CHAT: variants seen among roughly 807,000 people sequenced by gnomAD.
CHAT encodes the protein choline O-acetyltransferase, also known as acetyl CoA:choline O-acetyltransferase.
CHAT carries 61 observed loss-of-function variants against 76.9 expected under a neutral mutation model. That is an observed-to-expected ratio of 0.79 (90% CI 0.65 to 0.98). CHAT has a LOEUF of 0.98. Ranked by LOEUF, CHAT falls within the 50% of genes least tolerant of loss-of-function variation. CHAT has a pLI of 0.00. For synonymous variants in CHAT, 407 were observed against 397.4 expected, an observed-to-expected ratio of 1.02 and a Z score of -0.29; for missense variants, 946 against 986.9, an observed-to-expected ratio of 0.96 and a Z score of 0.56.
In CHAT at chr10:49,666,144, C is replaced by G. The variant is rs914142079; in HGVS notation, c.*1098C>G. On this transcript the variant is annotated 3_prime_UTR_variant, in exon 15 of 15. Coordinates refer to ENST00000337653, the MANE Select transcript of CHAT (RefSeq NM_020549.5). ...AAAACCCATGTGGTAGAGCCTAGAG[C>G]AGGGCTCTCTTCTGGCCTCAGGGAC... is the stretch of plus-strand genomic sequence containing the variant. 4.6e-5 allele frequency among the ~76,000 whole-genome samples: 7 copies of G among 152,276 alleles called. No individual in the cohort carries two copies. Among genetic ancestry groups the G allele is most frequent in the African/African-American group, 1.7e-4 (7 of 41,560 alleles).
Position 49,666,793 on chromosome 10 carries a change from G to A in CHAT, c.*1747G>A, listed in dbSNP as rs568584093. Reference sequence around the variant, plus strand: ...GAGATTTATGCTCCTTCCCTCCCACGGCCACCTTCCTACTCTGCTTAGGAA... The same window carrying A: ...GAGATTTATGCTCCTTCCCTCCCACAGCCACCTTCCTACTCTGCTTAGGAA... On this transcript the variant is annotated 3_prime_UTR_variant, in exon 15 of 15. Coordinates refer to ENST00000337653, the MANE Select transcript of CHAT (RefSeq NM_020549.5). Among the ~76,000 whole-genome samples the A allele has an allele frequency of 5.3e-5, 8 of 152,200 alleles. No homozygotes were observed. The highest frequency in any genetic ancestry group is 1.9e-4 in the East Asian group (1 of 5,186).
In CHAT at chr10:49,619,832, T is replaced by C; in HGVS notation, c.495T>C (p.Ile165=). The change falls in exon 3 of 15, where the codon ATT becomes ATC. Residue 165 remains isoleucine, a synonymous_variant. Transcript: ENST00000337653. ...SEEQFRKSQA[I]VQQFGAPGGL... is the part of the protein sequence containing the mutation. ...AGCAGTTCAGGAAGAGCCAGGCCATTGTGCAGCAGTTTGGGGCCCCTGGTG... is the reference window on the plus strand; with the variant it reads ...AGCAGTTCAGGAAGAGCCAGGCCATCGTGCAGCAGTTTGGGGCCCCTGGTG... 6 of 1,613,834 alleles carry C rather than the reference T, an allele frequency of 3.7e-6. No individual in the cohort carries two copies. Among genetic ancestry groups the C allele is most frequent in the Non-Finnish European group, 5.1e-6 (6 of 1,179,932 alleles).
intron 10 of CHAT, among the ~76,000 whole-genome samples, chr10:49,650,805 A>T (rs1839852160): frequency 6.6e-6 from 1 of 152,034 alleles, no homozygotes; most frequent in Non-Finnish European, 1.5e-5. Flanking sequence ...GCTGCTGGAG[A>T]GGTTGCCTGG....
At chr10:49,612,378 G>A (rs2269338), upstream of CHAT, 1 of 1,545,296 alleles carries the variant, frequency 6.5e-7, no homozygotes, top group South Asian at 1.3e-5. Flanking sequence ...ACCGCCTTGG[G>A]TCAAGGGGGC....
chr10:49,661,264 G>A (rs996310242), intron 13 of CHAT: 7 of 152,182 alleles, frequency 4.6e-5, no homozygotes, highest in African/African-American at 1.2e-4. Context: ...TTATTCCAAG[G>A]TGGTGAAAAG....
chr10:49,653,688 T>C (rs1839949014), intron 11 of CHAT, among the ~76,000 whole-genome samples: 1 of 152,186 alleles, frequency 6.6e-6, no homozygotes, highest in Non-Finnish European at 1.5e-5. Context: ...ACCTCACCAG[T>C]ACTGAGATGC....
upstream of CHAT, among the ~76,000 whole-genome samples, chr10:49,609,772 G>A (rs948260106): frequency 6.6e-6 from 1 of 152,166 alleles, no homozygotes; most frequent in Non-Finnish European, 1.5e-5. Flanking sequence ...GTCGGAGAAA[G>A]GGTTGGGGGT....
In CHAT at chr10:49,666,877, G is replaced by A. The variant is rs1214191865; in HGVS notation, c.*1831G>A. ...AAGGCAGCCCACCTGCTGTAAGTTG[G>A]CCCAAAGCTACTTGTCTGTTCTCTC... On this transcript the variant is annotated 3_prime_UTR_variant, in exon 15 of 15. Transcript: ENST00000337653. 1.3e-5 allele frequency among the ~76,000 whole-genome samples: 2 copies of A among 152,156 alleles called. No homozygotes were observed. The highest frequency in any genetic ancestry group is 1.5e-5 in the Non-Finnish European group (1 of 68,028).
upstream of CHAT, among the ~76,000 whole-genome samples, chr10:49,609,623 G>A (rs1404268900): frequency 6.6e-6 from 1 of 152,188 alleles, no homozygotes; most frequent in African/African-American, 2.4e-5. Flanking sequence ...TCTGCCCTCA[G>A]TCCCCACAAG....
upstream of CHAT, among the ~76,000 whole-genome samples, chr10:49,609,420 C>T (rs1302897706): frequency 2.0e-5 from 3 of 147,950 alleles, 1 homozygote; most frequent in East Asian, 2.0e-4. Context: ...AGGGCTTGGT[C>T]GGGTGCGAAG....
chr10:49,643,594 C>T (rs1839559372), intron 7 of CHAT, among the ~76,000 whole-genome samples: 1 of 152,176 alleles, frequency 6.6e-6, no homozygotes, highest in Admixed American at 6.5e-5. Flanking sequence ...AGCAGGGAGC[C>T]TTGCAAGGGG....
At chr10:49,648,660 C>T (rs1040179484) in intron 9 of CHAT, 53 bp downstream of exon 9, 9 of 1,206,270 alleles carry the variant, frequency 7.5e-6, no homozygotes, top group South Asian at 1.3e-5. Flanking sequence ...TGTGGGTGGT[C>T]GCTGGGGGCT....
rs1306955800 is a variant in CHAT, at chr10:49,614,448, G to A, written c.259G>A (p.Ala87Thr). The A allele has an allele frequency of 1.9e-6, 3 of 1,547,700 alleles. No individual in the cohort carries two copies. The highest frequency in any genetic ancestry group is 2.0e-5 in the Admixed American group (1 of 51,060). ...HTPEWCGAASAEAAEPRRAGP... is the reference protein window; with the variant it reads ...HTPEWCGAASTEAAEPRRAGP... ...TCCTGAGTGGTGCGGTGCAGCGTCG[G>A]CCGAGGCAGCAGAGCCGAGGAGAGC... The change falls in exon 1 of 15, where the codon GCC (alanine) becomes ACC (threonine). Residue 87 changes from alanine (A) to threonine (T), a missense_variant. Ala to Thr is a moderately conservative substitution (Grantham distance 58). Coordinates refer to ENST00000337653, the MANE Select transcript of CHAT (RefSeq NM_020549.5).
Position 49,615,944 on chromosome 10 carries a change from C to T in CHAT, c.287-558C>T. 6 of 1,271,416 alleles carry T rather than the reference C, an allele frequency of 4.7e-6. No individual in the cohort carries two copies. In the South Asian group the frequency reaches 6.2e-5, roughly 13 times the overall value. The allele number at this position is 1,271,416 out of a possible 1,614,324, so 78.8% of individuals were successfully genotyped here. A position where few individuals can be genotyped will look rare whatever the true frequency, so the allele number is the denominator to read the frequency against. Reference sequence around the variant, plus strand: ...GGCCACAGGCCAGGCTCCCAATTAGCCCAGATGCATCCTGGAGCACAGGGC... The same window carrying T: ...GGCCACAGGCCAGGCTCCCAATTAGTCCAGATGCATCCTGGAGCACAGGGC... On this transcript the variant is annotated intron_variant, in intron 1 of 14. Coordinates refer to ENST00000337653, the MANE Select transcript of CHAT (RefSeq NM_020549.5).
chr10:49,618,550 G>A (rs1362667715), intron 2 of CHAT, among the ~76,000 whole-genome samples: 3 of 152,180 alleles, frequency 2.0e-5, no homozygotes, highest in African/African-American at 4.8e-5. Context: ...GAAGCAGAGT[G>A]GACATGGAAG....
upstream of CHAT, chr10:49,611,630 C>T (rs1384750852): frequency 1.2e-6 from 2 of 1,611,764 alleles, no homozygotes; most frequent in South Asian, 1.1e-5. Context: ...GTGGCCGGCG[C>T]GCTCACCACC....
chr10:49,648,690 C>A, intron 9 of CHAT, 83 bp downstream of exon 9: 1 of 836,106 alleles, frequency 1.2e-6, no homozygotes, highest in South Asian at 1.4e-5. Context: ...TGGAAAGCGT[C>A]TTAACAAAAG....
At chr10:49,648,681 G>A in intron 9 of CHAT, 74 bp downstream of exon 9, 1 of 899,412 alleles carries the variant, frequency 1.1e-6, no homozygotes, top group Non-Finnish European at 1.8e-6. Flanking sequence ...GTGTCAGTCT[G>A]GAAAGCGTCT....
At chr10:49,663,245 GAAGA>G in intron 14 of CHAT, among the ~76,000 whole-genome samples, 1 of 152,204 alleles carries the variant, frequency 6.6e-6, no homozygotes, top group South Asian at 2.1e-4. Flanking sequence ...AAGAAAAAAG[GAAGA>G]AGAAGGTTTC....
Sources: allele counts gnomAD v4.1 joint callset (sites outside exome capture counted in the v4.1 genomes callset), GRCh38; gene constraint gnomAD v4.1.1; transcripts MANE v1.5; gene names NCBI Gene and HGNC (gene_info 2026-07-23, HGNC 2026-07-21).